The following KCNJ6 variants were observed in gnomAD, a reference collection of about 807,000 sequenced individuals.
KCNJ6 encodes the protein potassium inwardly rectifying channel subfamily J member 6, also known as G protein-activated inward rectifier potassium channel 2.
KCNJ6 carries 9 observed loss-of-function variants against 34.2 expected under a neutral mutation model. The observed-to-expected ratio is 0.26, with a 90% CI of 0.16 to 0.46. The LOEUF is 0.46. Among genes scored for constraint, KCNJ6 ranks in the 20% least tolerant of loss-of-function variants. The pLI, the probability that KCNJ6 is intolerant of heterozygous loss-of-function variation, is 1.00. For synonymous variants in KCNJ6, 196 were observed against 207.1 expected (o/e 0.95, Z 0.46); for missense variants, 236 against 531.3 (o/e 0.44, Z 5.46).
chr21:37,786,951 A>G (rs893799948), intron 2 of KCNJ6, among the ~76,000 whole-genome samples: 1 of 152,158 alleles, frequency 6.6e-6, no homozygotes, highest in Non-Finnish European at 1.5e-5. Context: ...GCAGACAATA[A>G]ATTCCTTTAA....
Position 37,615,324 on chromosome 21 carries a change from A to G in KCNJ6, c.*9835T>C, listed in dbSNP as rs906585112. On this transcript the variant is annotated 3_prime_UTR_variant, in exon 4 of 4. Coordinates refer to ENST00000609713, the MANE Select transcript of KCNJ6 (RefSeq NM_002240.5). ...TCGGACTGCGGACTGCAGTGGCGCA[A>G]TCTCGGCTCACTGCAAGCTCCGCTT... 1.2e-4 allele frequency: 18 copies of G among 144,836 alleles called. No individual in the cohort carries two copies. The highest frequency in any genetic ancestry group is 4.8e-4 in the African/African-American group (18 of 37,766). 9.0% of individuals were successfully genotyped at this position (144,836 alleles called of 1,614,324 possible). A position where few individuals can be genotyped will look rare whatever the true frequency, so the allele number is the denominator to read the frequency against.
intron 2 of KCNJ6, among the ~76,000 whole-genome samples, chr21:37,794,678 G>A (rs554231538): frequency 6.6e-6 from 1 of 152,128 alleles, no homozygotes; most frequent in South Asian, 2.1e-4. Context: ...GTTGAACAAT[G>A]AGAACACTTG....
intron 2 of KCNJ6, among the ~76,000 whole-genome samples, chr21:37,742,283 C>T (rs1021944690): frequency 6.6e-6 from 1 of 152,210 alleles, no homozygotes; most frequent in South Asian, 2.1e-4. Flanking sequence ...TGACTTACAA[C>T]AGGCTGGCTT....
chr21:37,656,250 G>T (rs2123393552), intron 3 of KCNJ6, among the ~76,000 whole-genome samples: 1 of 152,276 alleles, frequency 6.6e-6, no homozygotes, highest in South Asian at 2.1e-4. Context: ...AATCATTGGG[G>T]GTTCTTCCTG....
intron 2 of KCNJ6, among the ~76,000 whole-genome samples, chr21:37,806,222 C>A (rs939373613): frequency 6.6e-6 from 1 of 152,046 alleles, no homozygotes; most frequent in Non-Finnish European, 1.5e-5. Flanking sequence ...AGTTGTTTAC[C>A]CCAGGTAGAT....
At position 37,615,299 on chromosome 21, in the gene KCNJ6, T is replaced by C. The variant is rs1343140341; in HGVS notation, c.*9860A>G. On this transcript the variant is annotated 3_prime_UTR_variant, in exon 4 of 4. Transcript: ENST00000609713. ...ACGGAGTCTCGCTCTGTCGCCCAGG[T>C]CGGACTGCGGACTGCAGTGGCGCAA... 1.4e-5 allele frequency: 2 copies of C among 138,472 alleles called. No individual in the cohort carries two copies. Among genetic ancestry groups the C allele is most frequent in the African/African-American group, 2.8e-5 (1 of 35,906 alleles). 8.6% of individuals were successfully genotyped at this position (138,472 alleles called of 1,614,324 possible). A position where few individuals can be genotyped will look rare whatever the true frequency, so the allele number is the denominator to read the frequency against.
intron 1 of KCNJ6, among the ~76,000 whole-genome samples, chr21:37,901,096 G>GT (rs2055814963): frequency 6.6e-6 from 1 of 151,260 alleles, no homozygotes; most frequent in African/African-American, 2.4e-5. Context: ...GAACATACTT[G>GT]TGCAACAAAC....
At chr21:37,709,520 AAAG>A (rs371341358) in intron 3 of KCNJ6, among the ~76,000 whole-genome samples, 1 of 109,930 alleles carries the variant, frequency 9.1e-6, no homozygotes, top group Non-Finnish European at 2.1e-5. Flanking sequence ...GTCTCAAAAA[AAAG>A]AAAAGAAAAG....
intron 3 of KCNJ6, among the ~76,000 whole-genome samples, chr21:37,669,514 A>G (rs2054532172): frequency 6.6e-6 from 1 of 152,028 alleles, no homozygotes; most frequent in South Asian, 2.1e-4. Context: ...CTTGATGCCA[A>G]TCAGTTCTTT....
At chr21:37,628,265 C>T (rs2054319506) in intron 3 of KCNJ6, among the ~76,000 whole-genome samples, 1 of 151,954 alleles carries the variant, frequency 6.6e-6, no homozygotes, top group South Asian at 2.1e-4. Context: ...GTTCAAAGAA[C>T]TAAAAGAAGC....
At chr21:37,781,321 G>T (rs534445923) in intron 2 of KCNJ6, among the ~76,000 whole-genome samples, 7 of 152,242 alleles carry the variant, frequency 4.6e-5, no homozygotes, top group African/African-American at 1.7e-4. Flanking sequence ...TCCGAACTTT[G>T]GCAGAGGCTG....
chr21:37,821,686 ATTTC>A lies in KCNJ6; in HGVS notation c.25+18968_25+18971del, dbSNP rs1302124596. On this transcript the variant is annotated intron_variant, in intron 2 of 3. Coordinates refer to ENST00000609713, the MANE Select transcript of KCNJ6 (RefSeq NM_002240.5). ...TATGCCAACTGTGTTAGGGTACTTT[ATTTC>A]TTTATCACTTTCTCATTTTTCCTAA... Among the ~76,000 whole-genome samples the A allele has an allele frequency of 4.6e-5, 7 of 152,202 alleles. No homozygotes were observed. The East Asian group carries it at 7.7e-4, about 17-fold the overall frequency.
At position 37,618,168 on chromosome 21, in the gene KCNJ6, C is replaced by T. The variant is rs2054279454; in HGVS notation, c.*6991G>A. ...GATGGCCGGATCTGAGGACAGTGCTCCTTCCCCTCTTCTAAGAAGACTGGC... is the reference window on the plus strand; with the variant it reads ...GATGGCCGGATCTGAGGACAGTGCTTCTTCCCCTCTTCTAAGAAGACTGGC... On this transcript the variant is annotated 3_prime_UTR_variant, in exon 4 of 4. Coordinates refer to ENST00000609713, the MANE Select transcript of KCNJ6 (RefSeq NM_002240.5). The T allele has an allele frequency of 6.6e-6, 1 of 152,294 alleles. No individual in the cohort carries two copies. Among genetic ancestry groups the T allele is most frequent in the African/African-American group, 2.4e-5 (1 of 41,470 alleles). The allele number at this position is 152,294 out of a possible 1,614,324, so 9.4% of individuals were successfully genotyped here. A position where few individuals can be genotyped will look rare whatever the true frequency, so the allele number is the denominator to read the frequency against.
At chr21:37,878,702 T>C (rs1487648816) in intron 1 of KCNJ6, among the ~76,000 whole-genome samples, 2 of 152,178 alleles carry the variant, frequency 1.3e-5, no homozygotes, top group African/African-American at 2.4e-5. Context: ...TCTAACATAC[T>C]ATGTCTACCA....
intron 2 of KCNJ6, among the ~76,000 whole-genome samples, chr21:37,780,843 C>CAT (rs1220512091): frequency 6.6e-6 from 1 of 151,758 alleles, no homozygotes; most frequent in African/African-American, 2.4e-5. Context: ...GTACCCTATA[C>CAT]ATATATATAG....
intron 2 of KCNJ6, among the ~76,000 whole-genome samples, chr21:37,763,642 G>C (rs2055076954): frequency 6.6e-6 from 1 of 152,192 alleles, no homozygotes; most frequent in South Asian, 2.1e-4. Context: ...GGAAGTGTTT[G>C]AGCCATGTGT....
chr21:37,858,392 C>CAAAAAAAAAAAAA (rs60814205), intron 1 of KCNJ6, among the ~76,000 whole-genome samples: 2 of 54,500 alleles, frequency 3.7e-5, no homozygotes. Context: ...GACTCCGTCT[C>CAAAAAAAAAAAAA]AAAAAAAAAA....
At chr21:37,831,202 C>T (rs1289047085) in intron 2 of KCNJ6, among the ~76,000 whole-genome samples, 1 of 152,200 alleles carries the variant, frequency 6.6e-6, no homozygotes, top group Admixed American at 6.5e-5. Flanking sequence ...AAGATATTTT[C>T]CAGTAAGGAC....
At chr21:37,871,341 G>A (rs1021089330) in intron 1 of KCNJ6, among the ~76,000 whole-genome samples, 2 of 152,186 alleles carry the variant, frequency 1.3e-5, no homozygotes, top group South Asian at 2.1e-4. Context: ...AATCACAGAC[G>A]AATGCCAGAG....
Sources: gnomAD v4.1 joint callset for allele counts (sites outside exome capture counted in the v4.1 genomes callset) on GRCh38, gnomAD v4.1.1 for gene constraint, MANE v1.5 for transcripts, NCBI Gene and HGNC (gene_info 2026-07-23, HGNC 2026-07-21) for gene names.